Variants in AOPEP observed in about 807,000 individuals in gnomAD.
AOPEP encodes aminopeptidase O.
In AOPEP, 77 loss-of-function variants were observed where a neutral mutation model predicts 98.1. That is an observed-to-expected ratio of 0.78 (90% confidence interval 0.65 to 0.95). AOPEP has a LOEUF of 0.95. AOPEP is among the 40% of genes least tolerant of loss of function. The pLI is 0.00. For synonymous variants in AOPEP, 346 were observed against 365.3 expected (o/e 0.95, Z 0.60); for missense variants, 1,024 against 1,024.7 (o/e 1.00, Z 0.01).
chr9:94,925,110 G>A (rs2054113449), intron 6 of AOPEP, among the ~76,000 whole-genome samples: 1 of 152,184 alleles, frequency 6.6e-6, no homozygotes, highest in East Asian at 1.9e-4. Flanking sequence ...TTCTGCCTCA[G>A]CCTCCTGAGT....
intron 9 of AOPEP, among the ~76,000 whole-genome samples, chr9:94,964,099 G>A (rs761514927): frequency 1.3e-5 from 2 of 152,112 alleles, no homozygotes; most frequent in Non-Finnish European, 2.9e-5. Context: ...GAAGAATATC[G>A]AACGCTATAG....
intron 11 of AOPEP, among the ~76,000 whole-genome samples, chr9:95,003,498 T>C (rs2061700997): frequency 6.6e-6 from 1 of 152,224 alleles, no homozygotes; most frequent in African/African-American, 2.4e-5. Flanking sequence ...GATAGATTTC[T>C]ATTGATTGTG....
chr9:95,010,772 G>C (rs571089751), intron 13 of AOPEP, among the ~76,000 whole-genome samples: 2 of 152,282 alleles, frequency 1.3e-5, no homozygotes, highest in South Asian at 2.1e-4. Context: ...TTTGTATCCT[G>C]TGTTGTACTG....
chr9:94,795,470 G>C (rs1274203287), intron 4 of AOPEP, among the ~76,000 whole-genome samples: 1 of 152,150 alleles, frequency 6.6e-6, no homozygotes, highest in Non-Finnish European at 1.5e-5. Flanking sequence ...TTGTCCATGG[G>C]TTCTCAAATT....
chr9:95,014,574 G>A (rs944707654), intron 13 of AOPEP, among the ~76,000 whole-genome samples: 21 of 152,202 alleles, frequency 1.4e-4, no homozygotes, highest in African/African-American at 4.8e-4. Context: ...GCTACCCAGT[G>A]AGTCTTCTAT....
At chr9:95,043,862 G>GAAAA (rs2065584624) in intron 13 of AOPEP, among the ~76,000 whole-genome samples, 1 of 151,962 alleles carries the variant, frequency 6.6e-6, no homozygotes, top group Non-Finnish European at 1.5e-5. Context: ...ACAGAGTTTT[G>GAAAA]GCCCAGTCTG....
At chr9:95,043,554 T>C (rs916973003) in intron 13 of AOPEP, among the ~76,000 whole-genome samples, 1 of 152,224 alleles carries the variant, frequency 6.6e-6, no homozygotes, top group African/African-American at 2.4e-5. Context: ...AAATTTTTTA[T>C]TTTATAATTT....
chr9:94,765,835 T>C (rs1466188198), intron 2 of AOPEP, among the ~76,000 whole-genome samples: 1 of 152,228 alleles, frequency 6.6e-6, no homozygotes, highest in East Asian at 1.9e-4. Flanking sequence ...TACCTTAGTT[T>C]AGCCATTTGG....
rs557178797 is a variant in AOPEP at position 94,849,681 on chromosome 9, G to T, written c.1364+48679G>T. 5.1e-4 allele frequency among the ~76,000 whole-genome samples: 77 copies of T among 151,916 alleles called. 2 individuals carry two copies. The highest frequency in any genetic ancestry group is 1.1e-3 in the Non-Finnish European group (72 of 67,972). On this transcript the variant is annotated intron_variant, in intron 5 of 16. Transcript: ENST00000375315. Reference sequence around the variant, plus strand: ...TCATCAGGCATTAGAGTCACATAAGGAGCTTGCAACCTAGATCCCTCTCAT... The same window carrying T: ...TCATCAGGCATTAGAGTCACATAAGTAGCTTGCAACCTAGATCCCTCTCAT...
chr9:94,826,782 G>T (rs1299048575), intron 5 of AOPEP, among the ~76,000 whole-genome samples: 2 of 152,114 alleles, frequency 1.3e-5, no homozygotes, highest in Non-Finnish European at 2.9e-5. Context: ...GATATTAGTG[G>T]AGGTGGTGAT....
At chr9:94,907,959 C>T (rs1328060260) in intron 5 of AOPEP, among the ~76,000 whole-genome samples, 1 of 152,152 alleles carries the variant, frequency 6.6e-6, no homozygotes, top group Admixed American at 6.5e-5. Flanking sequence ...TGGTTTCTTC[C>T]TTTCCAACTT....
chr9:94,810,019 A>G (rs1588328755), intron 5 of AOPEP: 1 of 155,966 alleles, frequency 6.4e-6, no homozygotes, highest in African/African-American at 2.4e-5. Context: ...GACTGGTATC[A>G]CCCAGACAGC....
chr9:95,116,515 G>A, the AOPEP span, among the ~76,000 whole-genome samples: 1 of 152,280 alleles, frequency 6.6e-6, no homozygotes, highest in African/African-American at 2.4e-5. Context: ...AAAAAGGCAG[G>A]CCCAAAATGG....
chr9:94,741,397 C>A (rs1461281869), intron 1 of AOPEP, among the ~76,000 whole-genome samples: 4 of 152,006 alleles, frequency 2.6e-5, no homozygotes, highest in Non-Finnish European at 5.9e-5. Flanking sequence ...TTCAGCCCCC[C>A]GAGTAGCTGG....
intron 13 of AOPEP, chr9:95,048,906 A>T (rs2066092024): frequency 6.6e-6 from 1 of 152,212 alleles, no homozygotes; most frequent in Non-Finnish European, 1.5e-5. Flanking sequence ...GCAGGGAGAA[A>T]GTGACATACC....
the AOPEP span, among the ~76,000 whole-genome samples, chr9:95,120,006 C>T: frequency 6.8e-6 from 1 of 146,908 alleles, no homozygotes; most frequent in East Asian, 2.0e-4. Context: ...AGCTATGCCC[C>T]CAGCCTAAAA....
chr9:94,931,849 C>A, intron 7 of AOPEP: 1 of 1,482,864 alleles, frequency 6.7e-7, no homozygotes, highest in Non-Finnish European at 9.2e-7. Context: ...GTGTGTCTTA[C>A]TCTCCTTGAG....
chr9:95,119,550 G>A, the AOPEP span, among the ~76,000 whole-genome samples: 2 of 151,950 alleles, frequency 1.3e-5, no homozygotes, highest in African/African-American at 4.8e-5. Flanking sequence ...ATTTTTAGTA[G>A]AGACGGGGTT....
At chr9:94,943,687 G>A (rs907189466) in intron 7 of AOPEP, among the ~76,000 whole-genome samples, 3 of 151,468 alleles carry the variant, frequency 2.0e-5, no homozygotes, top group African/African-American at 7.3e-5. Flanking sequence ...GGGACGCTGA[G>A]GCGGGCAGAT....
Sources: gnomAD v4.1 joint callset for allele counts (sites outside exome capture counted in the v4.1 genomes callset) on GRCh38, gnomAD v4.1.1 for gene constraint, MANE v1.5 for transcripts, NCBI Gene and HGNC (gene_info 2026-07-23, HGNC 2026-07-21) for gene names.